PKD2: variants seen among roughly 807,000 people sequenced by gnomAD.
The protein encoded by PKD2 is polycystin 2, transient receptor potential cation channel.
Under a neutral mutation model 105.9 loss-of-function variants are expected in PKD2, and 48 were observed. That is an observed-to-expected ratio of 0.45 (90% CI 0.36 to 0.58). The LOEUF (loss-of-function observed/expected upper bound fraction) is 0.58, where lower values mean the gene tolerates loss of function less well. PKD2 is among the 20% of genes least tolerant of loss of function. PKD2 has a pLI of 0.00. For synonymous variants in PKD2, 464 were observed against 481.1 expected (o/e 0.96, Z 0.46); for missense variants, 1,078 against 1,255.3 (o/e 0.86, Z 2.13).
Position 88,038,231 on chromosome 4 carries a change from G to T in PKD2, c.844-20G>T. ...CGGCTGAGCTTGGAACTTTTTCAGA[G>T]ATGTTTCCTTTGCTTTTAGTTCACA... On this transcript the variant is annotated intron_variant, in intron 3 of 14. Coordinates refer to ENST00000237596, the MANE Select transcript of PKD2 (RefSeq NM_000297.4). 6.2e-7 allele frequency: 1 copy of T among 1,613,900 alleles called. No individual in the cohort carries two copies. Among genetic ancestry groups the T allele is most frequent in the South Asian group, 1.1e-5 (1 of 91,034 alleles).
At chr4:88,066,751 GA>G (rs143598127) in intron 12 of PKD2, among the ~76,000 whole-genome samples, 11,397 of 151,210 alleles carry the variant, frequency 0.075, 1,488 homozygotes, top group African/African-American at 0.26. Flanking sequence ...TTTATAGTCA[GA>G]AAAAAAAATT....
chr4:88,016,922 T>C (rs79485111), intron 1 of PKD2, among the ~76,000 whole-genome samples: 15,114 of 151,080 alleles, frequency 0.1, 1,061 homozygotes, highest in East Asian at 0.4. Context: ...GCCATGATTG[T>C]GCCAGAGTAC....
Position 88,075,547 on chromosome 4 carries a change from T to C in PKD2, c.2760T>C (p.Asp920=), listed in dbSNP as rs575774983. 2.5e-6 allele frequency: 4 copies of C among 1,614,042 alleles called. No individual in the cohort carries two copies. The highest frequency in any genetic ancestry group is 2.2e-5 in the East Asian group (1 of 44,884). ...AGTTGGAACGCTGGGAATCCGATGA[T>C]GCAGCTTCCCAGATCAGTCATGGTT... The part of the protein sequence containing the change: ...REELERWESD[D]AASQISHGLG... Residue 920 remains aspartate, a synonymous_variant, in exon 15 of 15, where the codon GAT becomes GAC. Coordinates refer to ENST00000237596, the MANE Select transcript of PKD2 (RefSeq NM_000297.4).
At chr4:88,040,832 G>A (rs188553792) in intron 4 of PKD2, among the ~76,000 whole-genome samples, 9 of 152,068 alleles carry the variant, frequency 5.9e-5, no homozygotes, top group East Asian at 1.9e-4. Context: ...TCATATCTCC[G>A]TCTTTTCTTT....
At chr4:88,065,140 A>G (rs890958356) in intron 10 of PKD2, among the ~76,000 whole-genome samples, 3 of 152,174 alleles carry the variant, frequency 2.0e-5, no homozygotes, top group Non-Finnish European at 4.4e-5. Context: ...CATATGAGTA[A>G]AAGACCTTTA....
intron 6 of PKD2, 61 bp from the exon 7 acceptor site, chr4:88,051,930 A>C: frequency 3.3e-6 from 3 of 917,118 alleles, no homozygotes; most frequent in Non-Finnish European, 5.3e-6. Flanking sequence ...TACTAGTCAT[A>C]TTAAGGTAAG....
chr4:88,030,592 T>C (rs1727111200), intron 2 of PKD2, among the ~76,000 whole-genome samples: 1 of 152,214 alleles, frequency 6.6e-6, no homozygotes, highest in Non-Finnish European at 1.5e-5. Flanking sequence ...CACTGTCCTT[T>C]CTGTCATTCT....
intron 1 of PKD2, among the ~76,000 whole-genome samples, chr4:88,012,876 G>T (rs999608632): frequency 6.6e-6 from 1 of 151,946 alleles, no homozygotes. Context: ...TATTTTCAAG[G>T]TTTATCCATG....
intron 3 of PKD2, among the ~76,000 whole-genome samples, chr4:88,037,289 T>C (rs1449111050): frequency 1.3e-5 from 2 of 152,072 alleles, no homozygotes; most frequent in African/African-American, 4.8e-5. Context: ...GGTCTGCTGT[T>C]GTGAAGTTCA....
intron 1 of PKD2, among the ~76,000 whole-genome samples, chr4:88,012,826 A>G (rs960481457): frequency 6.6e-6 from 1 of 152,056 alleles, no homozygotes; most frequent in Non-Finnish European, 1.5e-5. Flanking sequence ...AAATCAGACC[A>G]TGTTTGATCT....
At chr4:88,018,268 G>C (rs1005510477) in intron 1 of PKD2, among the ~76,000 whole-genome samples, 1 of 152,148 alleles carries the variant, frequency 6.6e-6, no homozygotes, top group African/African-American at 2.4e-5. Flanking sequence ...AAAAGGAAAG[G>C]AAATACCCAA....
rs1390591128 is a variant in PKD2 at position 88,063,184 on chromosome 4, G to C, written c.2118+1180G>C. 3.9e-5 allele frequency among the ~76,000 whole-genome samples: 6 copies of C among 152,184 alleles called. No individual in the cohort carries two copies. In the South Asian group the frequency reaches 6.2e-4, roughly 16 times the overall value. ...ATCTGCTATCCAATTCACAAACAAA[G>C]AAAGCATGTAGTGTTGCTTCCTTGT... On this transcript the variant is annotated intron_variant, in intron 10 of 14. Coordinates refer to ENST00000237596, the MANE Select transcript of PKD2 (RefSeq NM_000297.4).
intron 1 of PKD2, among the ~76,000 whole-genome samples, chr4:88,013,723 A>G (rs148673763): frequency 7.9e-4 from 120 of 151,448 alleles, no homozygotes; most frequent in Admixed American, 2.3e-3. Context: ...AAAAAAAAAA[A>G]GAGAGGATCA....
chr4:88,010,146 G>A (rs371640621), intron 1 of PKD2, among the ~76,000 whole-genome samples: 20 of 151,672 alleles, frequency 1.3e-4, no homozygotes, highest in Admixed American at 3.9e-4. Flanking sequence ...TGAGGCTGGA[G>A]TGCGGGGAAG....
At chr4:88,042,969 C>T (rs959819448) in intron 4 of PKD2, among the ~76,000 whole-genome samples, 3 of 152,180 alleles carry the variant, frequency 2.0e-5, no homozygotes, top group Non-Finnish European at 4.4e-5. Flanking sequence ...TAGGGACAAA[C>T]AGCCCTGGCA....
chr4:88,070,667 C>G (rs1200420571), intron 13 of PKD2, among the ~76,000 whole-genome samples: 1 of 149,920 alleles, frequency 6.7e-6, no homozygotes, highest in Non-Finnish European at 1.5e-5. Context: ...GGGTCTCACT[C>G]CATCACCCAG....
intron 9 of PKD2, among the ~76,000 whole-genome samples, chr4:88,059,777 A>ATACG (rs927849502): frequency 1.3e-5 from 2 of 152,258 alleles, no homozygotes; most frequent in African/African-American, 4.8e-5. Flanking sequence ...ACATACATAC[A>ATACG]TACATAGACA....
rs1215199829 is a variant in PKD2, at chr4:88,075,530, C to T, written c.2743C>T (p.Arg915Cys). 13 of 1,613,978 alleles carry T rather than the reference C, an allele frequency of 8.1e-6. No homozygotes were observed. The highest frequency in any genetic ancestry group is 2.2e-5 in the East Asian group (1 of 44,890). Residue 915 changes from arginine to cysteine, a missense_variant, in exon 15 of 15, where the codon CGC becomes TGC. This residue lies in a region of PKD2 where 868 missense variants were observed against 1,067.3 expected (regional missense o/e 0.81). Coordinates refer to ENST00000237596, the MANE Select transcript of PKD2 (RefSeq NM_000297.4). ...MERLVREELERWESDDAASQI... is the reference protein window; with the variant it reads ...MERLVREELECWESDDAASQI... Reference sequence around the variant, plus strand: ...ACGGCTAGTACGTGAAGAGTTGGAACGCTGGGAATCCGATGATGCAGCTTC... The same window carrying T: ...ACGGCTAGTACGTGAAGAGTTGGAATGCTGGGAATCCGATGATGCAGCTTC...
chr4:88,041,685 G>T (rs1002671200), intron 4 of PKD2, among the ~76,000 whole-genome samples: 2 of 152,140 alleles, frequency 1.3e-5, no homozygotes, highest in African/African-American at 4.8e-5. Flanking sequence ...CAAAATTCCC[G>T]ACTCTCAGAA....
Sources: allele counts gnomAD v4.1 joint callset (sites outside exome capture counted in the v4.1 genomes callset), GRCh38; gene constraint gnomAD v4.1.1; regional missense constraint gnomAD v4.1.1; transcripts MANE v1.5; gene names NCBI Gene and HGNC (gene_info 2026-07-23, HGNC 2026-07-21).